The following CPNE1 variants were observed in gnomAD, a reference collection of about 807,000 sequenced individuals.
The protein encoded by CPNE1 is copine-1.
A neutral mutation model predicts 63.2 loss-of-function variants in CPNE1; 58 were observed. The ratio of observed to expected loss-of-function variants is 0.92; its 90% CI spans 0.74 to 1.14. The LOEUF is 1.14. Among genes scored for constraint, CPNE1 ranks in the 50% most tolerant of loss-of-function variants. The probability of loss-of-function intolerance (pLI) is 0.00; values close to 1 mark genes in which losing one functional copy is unlikely to be tolerated. For missense variants in CPNE1, 672 were observed against 661.7 expected, an observed-to-expected ratio of 1.02 and a Z score of -0.17; for synonymous variants, 237 against 249.0, an observed-to-expected ratio of 0.95 and a Z score of 0.45.
chr20:35,661,054 C>T (rs1246310709), intron 1 of CPNE1, among the ~76,000 whole-genome samples: 1 of 152,172 alleles, frequency 6.6e-6, no homozygotes, highest in East Asian at 1.9e-4. Context: ...CAACTTAAAG[C>T]ACAAAATCAA....
At chr20:35,627,163 G>C (rs999540491) in intron 14 of CPNE1, 117 bp downstream of exon 14, 2 of 1,040,262 alleles carry the variant, frequency 1.9e-6, no homozygotes, top group Non-Finnish European at 2.7e-6. Flanking sequence ...ACTCCAGCCT[G>C]GGTGACAGAG....
At chr20:35,653,717 C>A (rs1410043143) in intron 1 of CPNE1, 2 of 1,614,102 alleles carry the variant, frequency 1.2e-6, no homozygotes, top group Non-Finnish European at 1.7e-6. Flanking sequence ...ACATCCCCCT[C>A]TGGATTTAGT....
chr20:35,629,982 A>T (rs1282359555), intron 13 of CPNE1, among the ~76,000 whole-genome samples: 3 of 152,150 alleles, frequency 2.0e-5, no homozygotes, highest in Non-Finnish European at 4.4e-5. Flanking sequence ...ATTTGATTCC[A>T]GAGGCCTAGC....
At chr20:35,643,866 T>C (rs2032962787) in intron 1 of CPNE1, among the ~76,000 whole-genome samples, 1 of 152,146 alleles carries the variant, frequency 6.6e-6, no homozygotes, top group Non-Finnish European at 1.5e-5. Context: ...AAAAGGCTCC[T>C]TCCCCAGCAG....
chr20:35,635,458 T>C (rs2032434330), intron 1 of CPNE1, among the ~76,000 whole-genome samples: 1 of 152,212 alleles, frequency 6.6e-6, no homozygotes, highest in East Asian at 1.9e-4. Flanking sequence ...CTAACTGATG[T>C]CTCGCCCTTG....
At chr20:35,627,905 G>A (rs1399327099) in intron 13 of CPNE1, among the ~76,000 whole-genome samples, 3 of 152,096 alleles carry the variant, frequency 2.0e-5, no homozygotes, top group Middle Eastern at 3.2e-3. Flanking sequence ...AGCTACTCAC[G>A]AGGCTGAGGT....
At chr20:35,644,026 A>G (rs774897882) in intron 1 of CPNE1, among the ~76,000 whole-genome samples, 4 of 152,032 alleles carry the variant, frequency 2.6e-5, no homozygotes, top group Admixed American at 6.5e-5. Context: ...CCTTACTATT[A>G]ATTATTTTTC....
chr20:35,631,924 C>G, intron 6 of CPNE1, 21 bp downstream of exon 6: 1 of 1,609,712 alleles, frequency 6.2e-7, no homozygotes, highest in Non-Finnish European at 8.5e-7. Context: ...CCCAGCCCAC[C>G]CAATCCCAGG....
intron 1 of CPNE1, chr20:35,654,765 C>CG: frequency 6.2e-7 from 1 of 1,613,750 alleles, no homozygotes; most frequent in Non-Finnish European, 8.5e-7. Context: ...TTGGTGGCGG[C>CG]GGGACTGTGT....
chr20:35,626,044 T>C lies in CPNE1; in HGVS notation c.*197A>G. 1.5e-6 allele frequency: 1 copy of C among 650,160 alleles called. No individual in the cohort carries two copies. Among genetic ancestry groups the C allele is most frequent in the Non-Finnish European group, 2.8e-6 (1 of 361,702 alleles). 40.3% of individuals were successfully genotyped at this position (650,160 alleles called of 1,614,324 possible). A position where few individuals can be genotyped will look rare whatever the true frequency, so the allele number is the denominator to read the frequency against. ...CACACAAGAGAGTGGTGGCAAAGCA[T>C]TGGTCTTCACTGGTCTTTATTGAAT... On this transcript the variant is annotated 3_prime_UTR_variant, in exon 16 of 16. Transcript: ENST00000397443.
intron 1 of CPNE1, among the ~76,000 whole-genome samples, chr20:35,662,171 G>C (rs990265883): frequency 4.6e-5 from 7 of 152,080 alleles, no homozygotes; most frequent in African/African-American, 1.7e-4. Context: ...CGTACTCAAA[G>C]GCAGCAAATC....
intron 1 of CPNE1, among the ~76,000 whole-genome samples, chr20:35,646,884 G>T (rs1002709553): frequency 1.3e-5 from 2 of 152,182 alleles, no homozygotes; most frequent in African/African-American, 2.4e-5. Context: ...CTTGAAACTA[G>T]TAAGTTACTA....
chr20:35,637,300 G>A (rs758426186), intron 1 of CPNE1, among the ~76,000 whole-genome samples: 1 of 151,964 alleles, frequency 6.6e-6, no homozygotes, highest in African/African-American at 2.4e-5. Flanking sequence ...CTTTAGGTTC[G>A]GAGCCAAACT....
At chr20:35,652,230 T>C (rs778030826) in intron 1 of CPNE1, 3 of 258,660 alleles carry the variant, frequency 1.2e-5, no homozygotes, top group South Asian at 1.6e-4. Context: ...AAAACCAATC[T>C]AGACTCCTTG....
At chr20:35,637,696 A>C (rs2032567734) in intron 1 of CPNE1, among the ~76,000 whole-genome samples, 1 of 152,198 alleles carries the variant, frequency 6.6e-6, no homozygotes, top group Non-Finnish European at 1.5e-5. Context: ...GCCAAACAGA[A>C]ACCTGATCAT....
intron 1 of CPNE1, among the ~76,000 whole-genome samples, chr20:35,636,502 G>T (rs192248985): frequency 1.3e-5 from 2 of 152,276 alleles, no homozygotes; most frequent in East Asian, 3.9e-4. Flanking sequence ...GGTATCCTAT[G>T]AAAAAATCAA....
At chr20:35,639,153 T>C (rs1322427620) in intron 1 of CPNE1, among the ~76,000 whole-genome samples, 1 of 151,898 alleles carries the variant, frequency 6.6e-6, no homozygotes, top group Non-Finnish European at 1.5e-5. Context: ...TAAGGCATGT[T>C]GAAATGTTTA....
At chr20:35,633,570 C>T (rs1321737782) in intron 1 of CPNE1, among the ~76,000 whole-genome samples, 1 of 152,232 alleles carries the variant, frequency 6.6e-6, no homozygotes, top group Non-Finnish European at 1.5e-5. Flanking sequence ...TTCAACTGGT[C>T]TCCCTTATTC....
chr20:35,664,766 A>G lies in CPNE1; in HGVS notation c.-7T>C, dbSNP rs2034452139. The G allele has an allele frequency of 6.6e-6, 1 of 152,338 alleles. No homozygotes were observed. Among genetic ancestry groups the G allele is most frequent in the Non-Finnish European group, 1.5e-5 (1 of 68,120 alleles). The allele number at this position is 152,338 out of a possible 1,614,324, so 9.4% of individuals were successfully genotyped here. A position where few individuals can be genotyped will look rare whatever the true frequency, so the allele number is the denominator to read the frequency against. On this transcript the variant is annotated 5_prime_UTR_variant, in exon 1 of 16. Transcript: ENST00000397443. ...GGGGCTGCGGGAGTCTTACCGGGGA[A>G]AGCTGCGCGGCACCAGAACCCAGAC... is the stretch of plus-strand genomic sequence containing the variant.
Sources: gnomAD v4.1 joint callset for allele counts (sites outside exome capture counted in the v4.1 genomes callset) on GRCh38, gnomAD v4.1.1 for gene constraint, MANE v1.5 for transcripts, NCBI Gene and HGNC (gene_info 2026-07-23, HGNC 2026-07-21) for gene names.